DPH6: variants seen among roughly 807,000 people sequenced by gnomAD.
The protein encoded by DPH6 is diphthine--ammonia ligase.
A neutral mutation model predicts 38.2 loss-of-function variants in DPH6; 33 were observed. That is an observed-to-expected ratio of 0.86 (90% CI 0.65 to 1.15). The LOEUF is 1.15. Ranked by LOEUF, DPH6 falls within the 50% of genes most tolerant of loss-of-function variation. The pLI is 0.00. For synonymous variants in DPH6, 108 were observed against 103.0 expected (o/e 1.05, Z -0.30); for missense variants, 325 against 320.0 (o/e 1.02, Z -0.12).
At chr15:35,466,553 C>T (rs1034849530) in intron 3 of DPH6, among the ~76,000 whole-genome samples, 7 of 152,018 alleles carry the variant, frequency 4.6e-5, no homozygotes, top group African/African-American at 1.2e-4. Context: ...AGAAAAAAAT[C>T]GTTTATGTAA....
intron 6 of DPH6, among the ~76,000 whole-genome samples, chr15:35,401,928 G>A (rs1421953278): frequency 2.6e-5 from 4 of 152,156 alleles, no homozygotes; most frequent in Non-Finnish European, 5.9e-5. Flanking sequence ...ATGTGTATGG[G>A]CAAAAGACTC....
At chr15:35,219,165 G>A (rs1273680402) in exon 4 of DPH6, 1 of 152,180 alleles carries the variant, frequency 6.6e-6, no homozygotes, top group Non-Finnish European at 1.5e-5. Flanking sequence ...ATCCTTTTAT[G>A]TGCTCTGTAG....
At chr15:35,454,627 T>C in intron 4 of DPH6, 120 bp downstream of exon 4, 1 of 773,218 alleles carries the variant, frequency 1.3e-6, no homozygotes, top group Non-Finnish European at 2.1e-6. Flanking sequence ...ACACATTTAG[T>C]TCCATGGAGC....
chr15:35,307,677 C>CT (rs2052103711), intron 3 of DPH6, among the ~76,000 whole-genome samples: 1 of 151,778 alleles, frequency 6.6e-6, no homozygotes, highest in Non-Finnish European at 1.5e-5. Flanking sequence ...AGTAAAGGAC[C>CT]ATGCTACTAC....
chr15:35,323,597 C>CTATT (rs376244388), intron 3 of DPH6, among the ~76,000 whole-genome samples: 34 of 152,192 alleles, frequency 2.2e-4, no homozygotes, highest in African/African-American at 7.9e-4. Flanking sequence ...TAATAAAAGC[C>CTATT]TATTGTTCAC....
intron 5 of DPH6, among the ~76,000 whole-genome samples, chr15:35,413,623 T>TTA (rs1052701731): frequency 1.3e-5 from 2 of 151,606 alleles, no homozygotes; most frequent in African/African-American, 4.8e-5. Flanking sequence ...AATATCTTTC[T>TTA]TATATATATT....
chr15:35,218,183 T>G (rs1371930025), exon 4 of DPH6: 1 of 152,234 alleles, frequency 6.6e-6, no homozygotes, highest in East Asian at 1.9e-4. Context: ...TGCAAGCTGC[T>G]TGCTGAACAA....
intron 6 of DPH6, among the ~76,000 whole-genome samples, chr15:35,387,529 T>C (rs2052984260): frequency 6.6e-6 from 1 of 152,202 alleles, no homozygotes. Context: ...GAGCAGTAGT[T>C]TGTAGTTCTC....
chr15:35,489,950 A>G, intron 3 of DPH6: 1 of 981,130 alleles, frequency 1.0e-6, no homozygotes, highest in Non-Finnish European at 1.2e-6. Flanking sequence ...AACTATTTTT[A>G]ACAAACAGCT....
intron 3 of DPH6, among the ~76,000 whole-genome samples, chr15:35,472,925 G>T (rs930115393): frequency 7.4e-5 from 11 of 148,236 alleles, no homozygotes; most frequent in Non-Finnish European, 1.3e-4. Flanking sequence ...AAAAAAAGAT[G>T]TAGTAAATAC....
At chr15:35,434,932 C>A (rs1442476294) in intron 5 of DPH6, among the ~76,000 whole-genome samples, 2 of 151,780 alleles carry the variant, frequency 1.3e-5, no homozygotes, top group East Asian at 3.9e-4. Context: ...TGCCACCATG[C>A]CCAGCTATTT....
chr15:35,425,380 T>C (rs776927167), intron 5 of DPH6, among the ~76,000 whole-genome samples: 3 of 151,602 alleles, frequency 2.0e-5, no homozygotes, highest in Non-Finnish European at 3.0e-5. Context: ...AAAGCTATTA[T>C]AGTGTAAGTT....
At chr15:35,513,128 C>G (rs1381905282) in intron 3 of DPH6, among the ~76,000 whole-genome samples, 1 of 152,022 alleles carries the variant, frequency 6.6e-6, no homozygotes, top group African/African-American at 2.4e-5. Flanking sequence ...ATACCACACA[C>G]AGGTGTGTGC....
chr15:35,191,600 C>A, the DPH6 span, among the ~76,000 whole-genome samples: 1 of 152,200 alleles, frequency 6.6e-6, no homozygotes, highest in African/African-American at 2.4e-5. Flanking sequence ...TCCTGACACT[C>A]TCCCCACTGC....
intron 3 of DPH6, among the ~76,000 whole-genome samples, chr15:35,228,749 T>G (rs1334617733): frequency 6.6e-6 from 1 of 152,236 alleles, no homozygotes; most frequent in African/African-American, 2.4e-5. Context: ...GGTCTTGTGT[T>G]GATGAAATTC....
chr15:35,200,159 G>A, the DPH6 span, among the ~76,000 whole-genome samples: 159 of 152,250 alleles, frequency 1.0e-3, no homozygotes, highest in African/African-American at 3.7e-3. Flanking sequence ...GGAAAACAGA[G>A]AAAGAAAGAT....
At chr15:35,535,997 GC>G (rs1566944265) in intron 3 of DPH6, among the ~76,000 whole-genome samples, 1 of 152,004 alleles carries the variant, frequency 6.6e-6, no homozygotes, top group East Asian at 1.9e-4. Context: ...TGTGAAAGTT[GC>G]AAAGCTGTAA....
chr15:35,217,170 C>A (rs1467689537), downstream of DPH6, among the ~76,000 whole-genome samples: 1 of 152,094 alleles, frequency 6.6e-6, no homozygotes, highest in Non-Finnish European at 1.5e-5. Context: ...CTAGTTACAT[C>A]ACCACCATAT....
intron 3 of DPH6, among the ~76,000 whole-genome samples, chr15:35,272,325 T>A (rs770730081): frequency 5.9e-5 from 9 of 152,080 alleles, no homozygotes; most frequent in Non-Finnish European, 1.0e-4. Context: ...TCCATAGGGG[T>A]CCTGTAAGTT....
Sources: gnomAD v4.1 joint callset for allele counts (sites outside exome capture counted in the v4.1 genomes callset) on GRCh38, gnomAD v4.1.1 for gene constraint, MANE v1.5 for transcripts, NCBI Gene and HGNC (gene_info 2026-07-23, HGNC 2026-07-21) for gene names.